Variants in WDFY1 observed in about 807,000 individuals in gnomAD.
The protein encoded by WDFY1 is WD repeat and FYVE domain containing 1.
Under a neutral mutation model 56.4 loss-of-function variants are expected in WDFY1, and 32 were observed. The ratio of observed to expected loss-of-function variants is 0.57; its 90% CI spans 0.43 to 0.76. The LOEUF (loss-of-function observed/expected upper bound fraction) is 0.76. Ranked by LOEUF, WDFY1 falls within the 30% of genes least tolerant of loss-of-function variation. The probability of loss-of-function intolerance (pLI) is 0.00; values close to 1 mark genes in which losing one functional copy is unlikely to be tolerated. For missense variants in WDFY1, 480 were observed against 545.7 expected, an observed-to-expected ratio of 0.88 and a Z score of 1.20; for synonymous variants, 192 against 197.3, an observed-to-expected ratio of 0.97 and a Z score of 0.23.
At chr2:223,938,605 C>T (rs1452421440) in intron 1 of WDFY1, among the ~76,000 whole-genome samples, 1 of 152,196 alleles carries the variant, frequency 6.6e-6, no homozygotes, top group African/African-American at 2.4e-5. Flanking sequence ...ATTCACGAGA[C>T]ATTAATCCAT....
intron 1 of WDFY1, among the ~76,000 whole-genome samples, chr2:223,926,888 G>A (rs1032991291): frequency 1.1e-4 from 16 of 152,058 alleles, no homozygotes; most frequent in African/African-American, 3.4e-4. Flanking sequence ...GGCTGGTGTC[G>A]AACTCCTGAC....
In WDFY1 at chr2:223,901,171, T is replaced by C. The variant is rs757603017; in HGVS notation, c.485+12A>G. The C allele has an allele frequency of 1.2e-6, 2 of 1,610,332 alleles. No individual in the cohort carries two copies. The highest frequency in any genetic ancestry group is 2.7e-5 in the African/African-American group (2 of 74,926). The stretch of plus-strand genomic sequence containing the variant: ...GCCAGGGGAAGGAGAGGTCCGTGGC[T>C]CTGAAGGATACTGCAGACACGAAGC... On this transcript the variant is annotated intron_variant, in intron 5 of 11. Transcript: ENST00000233055.
intron 11 of WDFY1, 92 bp downstream of exon 11, chr2:223,880,032 G>C (rs75999502): frequency 9.1e-7 from 1 of 1,102,028 alleles, no homozygotes; most frequent in African/African-American, 1.6e-5. Flanking sequence ...TATAAAGCTT[G>C]CCAGTCAGAA....
At position 223,894,605 on chromosome 2, in the gene WDFY1, T is replaced by C. The variant is rs114649193; in HGVS notation, c.726-266A>G. The stretch of plus-strand genomic sequence containing the variant: ...GCCAGAGATTTGATGAGGGCTATGG[T>C]TTTTGGGACCAATCAACATGATTTC... On this transcript the variant is annotated intron_variant, in intron 7 of 11. Transcript: ENST00000233055. The C allele has an allele frequency of 4.0e-3, 1,765 of 438,058 alleles. 24 individuals are homozygous for C. Among genetic ancestry groups the C allele is most frequent in the African/African-American group, 0.032 (1,598 of 49,726 alleles). 27.1% of individuals were successfully genotyped at this position (438,058 alleles called of 1,614,324 possible). A position where few individuals can be genotyped will look rare whatever the true frequency, so the allele number is the denominator to read the frequency against.
intron 1 of WDFY1, among the ~76,000 whole-genome samples, chr2:223,936,985 GT>G (rs1694177058): frequency 6.6e-6 from 1 of 152,184 alleles, no homozygotes; most frequent in African/African-American, 2.4e-5. Flanking sequence ...TGCTGATTTT[GT>G]TTTGCGTCTT....
At chr2:223,878,912 G>A (rs1451513869) in intron 11 of WDFY1, among the ~76,000 whole-genome samples, 182 bp from the exon 12 acceptor site, 2 of 152,252 alleles carry the variant, frequency 1.3e-5, no homozygotes, top group East Asian at 3.8e-4. Flanking sequence ...GGCTGGGCAC[G>A]GTGGCTCACG....
intron 7 of WDFY1, 140 bp from the exon 8 acceptor site, chr2:223,894,479 T>C: frequency 2.6e-6 from 2 of 755,842 alleles, no homozygotes; most frequent in Non-Finnish European, 4.5e-6. Flanking sequence ...GTAAAATGAA[T>C]TCTAGTATAA....
chr2:223,928,886 G>A (rs566132019), intron 1 of WDFY1, among the ~76,000 whole-genome samples: 19 of 152,122 alleles, frequency 1.2e-4, no homozygotes, highest in Non-Finnish European at 2.1e-4. Context: ...CAACGTGTCT[G>A]CAGATGTTAT....
chr2:223,884,365 T>A (rs1007484090), intron 9 of WDFY1, among the ~76,000 whole-genome samples: 3 of 152,184 alleles, frequency 2.0e-5, no homozygotes, highest in Non-Finnish European at 4.4e-5. Flanking sequence ...AGTAATAGTC[T>A]TAAACTGAAA....
chr2:223,904,338 G>A (rs1400563776), intron 4 of WDFY1, among the ~76,000 whole-genome samples: 2 of 152,142 alleles, frequency 1.3e-5, no homozygotes, highest in Middle Eastern at 3.2e-3. Flanking sequence ...TGCAACCTCC[G>A]CCTCCCGGGT....
Position 223,876,916 on chromosome 2 carries a change from A to C in WDFY1, c.*1755T>G, listed in dbSNP as rs528343781. ...TAATACAGGAAGCTTAACATTCAAC[A>C]TTGTGCTTGAACAAAACTTACCACT... On this transcript the variant is annotated 3_prime_UTR_variant, in exon 12 of 12. Coordinates refer to ENST00000233055, the MANE Select transcript of WDFY1 (RefSeq NM_020830.5). The C allele has an allele frequency of 6.6e-6, 1 of 152,332 alleles. No homozygotes were observed. Among genetic ancestry groups the C allele is most frequent in the East Asian group, 1.9e-4 (1 of 5,194 alleles). 9.4% of individuals were successfully genotyped at this position (152,332 alleles called of 1,614,324 possible).
Position 223,932,117 on chromosome 2 carries a change from C to CTTTT in WDFY1, c.137+13027_137+13030dup, listed in dbSNP as rs35246074. ...TAGTATGTATTACCAGTATGAGTAC[C>CTTTT]TTTTTTTTTTTTTTTTTTTTTTTGA... On this transcript the variant is annotated intron_variant, in intron 1 of 11. Transcript: ENST00000233055. 1.8e-3 allele frequency among the ~76,000 whole-genome samples: 172 copies of CTTTT among 94,032 alleles called. 2 individuals carry two copies. Among genetic ancestry groups the CTTTT allele is most frequent in the Middle Eastern group, 8.5e-3 (1 of 118 alleles). 61.7% of individuals were successfully genotyped at this position (94,032 alleles called of 152,430 possible).
At chr2:223,943,762 C>T (rs1689353274) in intron 1 of WDFY1, among the ~76,000 whole-genome samples, 2 of 152,188 alleles carry the variant, frequency 1.3e-5, no homozygotes, top group Non-Finnish European at 2.9e-5. Context: ...TGTTCCAATC[C>T]AATCACTCAG....
At chr2:223,913,900 A>T (rs141472315) in intron 2 of WDFY1, among the ~76,000 whole-genome samples, 136 of 150,528 alleles carry the variant, frequency 9.0e-4, no homozygotes, top group African/African-American at 3.1e-3. Flanking sequence ...CCTAGAAAGG[A>T]GGTTTCTAAC....
At chr2:223,884,493 T>C (rs1693136738) in intron 9 of WDFY1, among the ~76,000 whole-genome samples, 155 bp downstream of exon 9, 1 of 152,204 alleles carries the variant, frequency 6.6e-6, no homozygotes, top group Non-Finnish European at 1.5e-5. Context: ...GGAAAGGTCT[T>C]CCTCATTGTT....
chr2:223,892,599 C>A (rs1414923751), intron 8 of WDFY1, among the ~76,000 whole-genome samples: 1 of 152,040 alleles, frequency 6.6e-6, no homozygotes, highest in Non-Finnish European at 1.5e-5. Context: ...TAGATGAAAG[C>A]CCCTTGATCA....
chr2:223,906,507 T>C (rs1399229142), intron 3 of WDFY1, among the ~76,000 whole-genome samples: 2 of 152,198 alleles, frequency 1.3e-5, no homozygotes, highest in Admixed American at 1.3e-4. Context: ...GTGGTTTTTG[T>C]CTTTTTATGA....
Position 223,896,219 on chromosome 2 carries a change from C to T in WDFY1, c.599-589G>A, listed in dbSNP as rs1693374088. On this transcript the variant is annotated intron_variant, in intron 6 of 11. Coordinates refer to ENST00000233055, the MANE Select transcript of WDFY1 (RefSeq NM_020830.5). ...TACAAAGATTTTTAAAGAAGTTTTT[C>T]GTTCTTCTGTGACAAAAATTACAAA... 6.1e-5 allele frequency among the ~76,000 whole-genome samples: 8 copies of T among 131,218 alleles called. No individual in the cohort carries two copies. The South Asian group carries it at 2.0e-3, about 33-fold the overall frequency. 86.1% of individuals were successfully genotyped at this position (131,218 alleles called of 152,430 possible).
chr2:223,916,402 T>C (rs944832822), intron 2 of WDFY1, among the ~76,000 whole-genome samples: 2 of 152,164 alleles, frequency 1.3e-5, no homozygotes, highest in African/African-American at 4.8e-5. Context: ...CTGGAATACC[T>C]CTTAAGAAAG....
Sources: allele counts gnomAD v4.1 joint callset (sites outside exome capture counted in the v4.1 genomes callset), GRCh38; gene constraint gnomAD v4.1.1; transcripts MANE v1.5; gene names NCBI Gene and HGNC (gene_info 2026-07-23, HGNC 2026-07-21).